Variants in RALGAPA2 observed in about 807,000 individuals in gnomAD.
The protein encoded by RALGAPA2 is Ral GTPase activating protein catalytic subunit alpha 2, also known as ral GTPase-activating protein subunit alpha-2.
A neutral mutation model predicts 230.4 loss-of-function variants in RALGAPA2; 139 were observed. The observed-to-expected ratio is 0.60, with a 90% CI of 0.53 to 0.69. RALGAPA2 has a LOEUF of 0.69. Among genes scored for constraint, RALGAPA2 ranks in the 30% least tolerant of loss-of-function variants. The probability of loss-of-function intolerance (pLI) is 0.00; values close to 1 mark genes in which losing one functional copy is unlikely to be tolerated. For missense variants in RALGAPA2, 2,163 were observed against 2,276.0 expected (o/e 0.95, Z 1.01); for synonymous variants, 847 against 837.8 (o/e 1.01, Z -0.19).
chr20:20,671,080 A>G (rs963200057), intron 3 of RALGAPA2, among the ~76,000 whole-genome samples: 2 of 152,224 alleles, frequency 1.3e-5, no homozygotes, highest in Non-Finnish European at 2.9e-5. Flanking sequence ...TGCTCCCACT[A>G]GAGAGGAAGG....
chr20:20,628,832 G>T (rs73294712), intron 10 of RALGAPA2, among the ~76,000 whole-genome samples: 1,697 of 152,148 alleles, frequency 0.011, 30 homozygotes, highest in African/African-American at 0.039. Context: ...ACCTCTTTTC[G>T]TGTCTTGGCC....
At chr20:20,611,164 C>A in intron 14 of RALGAPA2, 151 bp downstream of exon 14, 1 of 1,147,516 alleles carries the variant, frequency 8.7e-7, no homozygotes, top group Non-Finnish European at 1.1e-6. Context: ...TTGTAAAGAA[C>A]AGATCATAAC....
chr20:20,591,387 C>T (rs1167617505), intron 16 of RALGAPA2, 73 bp from the exon 17 acceptor site: 21 of 1,440,876 alleles, frequency 1.5e-5, no homozygotes, highest in Middle Eastern at 1.8e-4. Flanking sequence ...TTAAAACAAC[C>T]GATTTAAAAA....
At chr20:20,450,595 C>T (rs541350181) in intron 37 of RALGAPA2, among the ~76,000 whole-genome samples, 1 of 152,252 alleles carries the variant, frequency 6.6e-6, no homozygotes, top group Non-Finnish European at 1.5e-5. Flanking sequence ...GGGCTCTCAT[C>T]CCAGCCCTGC....
chr20:20,540,476 T>C (rs1488903487), intron 24 of RALGAPA2, among the ~76,000 whole-genome samples: 1 of 152,210 alleles, frequency 6.6e-6, no homozygotes, highest in Non-Finnish European at 1.5e-5. Flanking sequence ...GCTTAAAAGA[T>C]AAGGCACTCA....
At chr20:20,682,855 T>C (rs567394958) in intron 1 of RALGAPA2, among the ~76,000 whole-genome samples, 1 of 152,274 alleles carries the variant, frequency 6.6e-6, no homozygotes, top group South Asian at 2.1e-4. Flanking sequence ...CCTCAATCCT[T>C]GGGGCAATCA....
chr20:20,421,534 A>T (rs1377062305), intron 37 of RALGAPA2, among the ~76,000 whole-genome samples: 1 of 152,158 alleles, frequency 6.6e-6, no homozygotes, highest in African/African-American at 2.4e-5. Flanking sequence ...GCTGGGTGTG[A>T]TGGTCCATGC....
intron 33 of RALGAPA2, among the ~76,000 whole-genome samples, chr20:20,507,057 G>C (rs909360895): frequency 6.6e-6 from 1 of 152,070 alleles, no homozygotes; most frequent in Non-Finnish European, 1.5e-5. Context: ...CATATGAGAA[G>C]CTACTACATT....
At chr20:20,638,016 A>G (rs1222183085) in intron 7 of RALGAPA2, among the ~76,000 whole-genome samples, 1 of 152,252 alleles carries the variant, frequency 6.6e-6, no homozygotes, top group East Asian at 1.9e-4. Flanking sequence ...TATTAAAAAA[A>G]TTCAAAGGCT....
intron 26 of RALGAPA2, among the ~76,000 whole-genome samples, chr20:20,534,203 G>C (rs574025109): frequency 1.8e-4 from 28 of 152,284 alleles, no homozygotes; most frequent in Admixed American, 1.2e-3. Flanking sequence ...CCAGCACTTT[G>C]GGAGGCTGAG....
At chr20:20,605,948 G>A (rs988321125) in intron 14 of RALGAPA2, among the ~76,000 whole-genome samples, 3 of 151,962 alleles carry the variant, frequency 2.0e-5, no homozygotes, top group African/African-American at 2.4e-5. Context: ...GAGGGGCCCC[G>A]CTCTGCTACC....
chr20:20,689,680 C>A (rs752027154), intron 1 of RALGAPA2, among the ~76,000 whole-genome samples: 40 of 152,130 alleles, frequency 2.6e-4, no homozygotes, highest in Non-Finnish European at 1.0e-4. Context: ...GTCCTCAGGC[C>A]CGCAATTTCC....
chr20:20,553,995 A>G (rs1314533563), intron 23 of RALGAPA2, among the ~76,000 whole-genome samples: 2 of 152,220 alleles, frequency 1.3e-5, no homozygotes, highest in Admixed American at 6.5e-5. Context: ...TAACAGCTTC[A>G]AGATATATAT....
At chr20:20,698,198 T>C (rs1341802203) in intron 1 of RALGAPA2, among the ~76,000 whole-genome samples, 2 of 152,056 alleles carry the variant, frequency 1.3e-5, no homozygotes, top group Admixed American at 1.3e-4. Context: ...GAAAATGTTT[T>C]GGAAGAAGAT....
chr20:20,502,142 T>C (rs2062395165), intron 35 of RALGAPA2, among the ~76,000 whole-genome samples: 1 of 152,160 alleles, frequency 6.6e-6, no homozygotes, highest in African/African-American at 2.4e-5. Context: ...ATAGACTTGT[T>C]TGATTAAGGG....
At chr20:20,476,674 AAAAT>A (rs557603048) in intron 36 of RALGAPA2, among the ~76,000 whole-genome samples, 6,454 of 139,416 alleles carry the variant, frequency 0.046, 159 homozygotes, top group Non-Finnish European at 0.05. Context: ...CATAAATCAT[AAAAT>A]AAATAAATAA....
In RALGAPA2 at chr20:20,391,185, A is replaced by G. The variant is rs2059597195; in HGVS notation, c.*2104T>C. Reference sequence around the variant, plus strand: ...CTAGGAGCATGCGATGGCCTTCCCAACAGGAGTGAGGTAAACAGGAGACAG... The same window carrying G: ...CTAGGAGCATGCGATGGCCTTCCCAGCAGGAGTGAGGTAAACAGGAGACAG... On this transcript the variant is annotated 3_prime_UTR_variant, in exon 40 of 40. Coordinates refer to ENST00000202677, the MANE Select transcript of RALGAPA2 (RefSeq NM_020343.4). 1 of 152,290 alleles carries G rather than the reference A, an allele frequency of 6.6e-6. No homozygotes were observed. The highest frequency in any genetic ancestry group is 1.5e-5 in the Non-Finnish European group (1 of 68,100). 9.4% of individuals were successfully genotyped at this position (152,290 alleles called of 1,614,324 possible).
chr20:20,440,276 A>G (rs1157394756), intron 37 of RALGAPA2, among the ~76,000 whole-genome samples: 5 of 152,202 alleles, frequency 3.3e-5, no homozygotes, highest in Non-Finnish European at 7.3e-5. Flanking sequence ...TTCGGGCCAA[A>G]ATAAAGTTTT....
chr20:20,521,068 C>T lies in RALGAPA2; in HGVS notation c.3933G>A (p.Thr1311=), dbSNP rs752146492. ...GTATGTAGTGACTCTGTTGGGTGTA[C>T]GTGCTTGAGCCACACACACAGCAGT... The part of the protein sequence containing the change: ...VLHCCVCGSS[T]YTQQSHYILT... Residue 1311 remains threonine (T), a synonymous_variant, in exon 31 of 40, where the codon ACG becomes ACA. Coordinates refer to ENST00000202677, the MANE Select transcript of RALGAPA2 (RefSeq NM_020343.4). 29 of 1,612,932 alleles carry T rather than the reference C, an allele frequency of 1.8e-5. No individual in the cohort carries two copies. Among genetic ancestry groups the T allele is most frequent in the Admixed American group, 1.2e-4 (7 of 59,964 alleles).
Sources: allele counts gnomAD v4.1 joint callset (sites outside exome capture counted in the v4.1 genomes callset), GRCh38; gene constraint gnomAD v4.1.1; transcripts MANE v1.5; gene names NCBI Gene and HGNC (gene_info 2026-07-23, HGNC 2026-07-21).